Variants in KLB observed in about 807,000 individuals in gnomAD.
The protein encoded by KLB is klotho beta.
A neutral mutation model predicts 88.4 loss-of-function variants in KLB; 44 were observed. That is an observed-to-expected ratio of 0.50 (90% CI 0.39 to 0.64). The LOEUF is 0.64. KLB is among the 30% of genes least tolerant of loss of function. KLB has a pLI of 0.00. For synonymous variants in KLB, 548 were observed against 513.4 expected (o/e 1.07, Z -0.91); for missense variants, 1,137 against 1,304.8 (o/e 0.87, Z 1.98).
intron 1 of KLB, among the ~76,000 whole-genome samples, chr4:39,429,133 T>C (rs1322007621): frequency 1.3e-5 from 2 of 152,250 alleles, no homozygotes; most frequent in Admixed American, 1.3e-4. Context: ...TATTTAATAG[T>C]CTATTAAATA....
intron 1 of KLB, among the ~76,000 whole-genome samples, chr4:39,424,577 G>A (rs1282987454): frequency 3.3e-5 from 5 of 151,614 alleles, no homozygotes; most frequent in African/African-American, 4.9e-5. Context: ...GGCTCTACAC[G>A]TGATGGCCCT....
rs1743767479 is a variant in KLB, at chr4:39,447,081, C to G, written c.2355C>G (p.Ala785=). 6.2e-7 allele frequency: 1 copy of G among 1,613,106 alleles called. No individual in the cohort carries two copies. Among genetic ancestry groups the G allele is most frequent in the African/African-American group, 1.3e-5 (1 of 75,054 alleles). ...TCAAGACCGGGGACTACCCCGCGGC[C>G]ATGAGGGAATACATTGCCTCCAAGC... The part of the protein sequence containing the change: ...PLFKTGDYPA[A]MREYIASKHR... Residue 785 remains alanine (A), a synonymous_variant, in exon 4 of 5, where the codon GCC becomes GCG. Coordinates refer to ENST00000257408, the MANE Select transcript of KLB (RefSeq NM_175737.4).
At chr4:39,423,062 C>T (rs909852336) in intron 1 of KLB, among the ~76,000 whole-genome samples, 5 of 151,776 alleles carry the variant, frequency 3.3e-5, no homozygotes, top group African/African-American at 1.2e-4. Context: ...CCACCGCTCC[C>T]GGCCTCAGTC....
intron 1 of KLB, among the ~76,000 whole-genome samples, chr4:39,429,250 G>T (rs1011083983): frequency 2.0e-5 from 3 of 152,198 alleles, no homozygotes; most frequent in Admixed American, 6.5e-5. Context: ...ATGACTGAGG[G>T]TTCCTTGAAT....
intron 1 of KLB, among the ~76,000 whole-genome samples, chr4:39,430,025 T>C (rs1743309790): frequency 6.6e-6 from 1 of 152,334 alleles, no homozygotes; most frequent in East Asian, 1.9e-4. Flanking sequence ...TCCATATGTA[T>C]ATCCAGAAAA....
At chr4:39,410,169 T>TA (rs1443972209) in intron 1 of KLB, among the ~76,000 whole-genome samples, 11 of 152,156 alleles carry the variant, frequency 7.2e-5, no homozygotes, top group African/African-American at 2.4e-4. Context: ...TGTCAACAAT[T>TA]AGAGTTTTCA....
intron 3 of KLB, among the ~76,000 whole-genome samples, chr4:39,438,296 G>C (rs192498993): frequency 6.6e-6 from 1 of 152,294 alleles, no homozygotes; most frequent in Admixed American, 6.5e-5. Context: ...TGTTATAATA[G>C]TAATGTCAAA....
chr4:39,446,224 T>G lies in KLB; in HGVS notation c.1606-108T>G. The stretch of plus-strand genomic sequence containing the variant: ...GAGATTTCAAGGGCTGGAATAGGCC[T>G]GGCGTGGTGGCCTGTAATCCCAGCA... On this transcript the variant is annotated intron_variant, in intron 3 of 4. Transcript: ENST00000257408. This position sits in a 1 kb window ranked among gnomAD's most constrained non-coding sequence, Gnocchi z 6.4. The G allele has an allele frequency of 1.1e-6, 1 of 948,576 alleles. No homozygotes were observed. Among genetic ancestry groups the G allele is most frequent in the East Asian group, 2.6e-5 (1 of 39,002 alleles). 58.8% of individuals were successfully genotyped at this position (948,576 alleles called of 1,614,324 possible).
intron 1 of KLB, among the ~76,000 whole-genome samples, chr4:39,431,013 C>T (rs765909546): frequency 8.0e-5 from 12 of 150,318 alleles, no homozygotes; most frequent in Admixed American, 4.7e-4. Flanking sequence ...GCCTCCCTGG[C>T]TCAAATGATC....
Position 39,446,391 on chromosome 4 carries a change from CACTGGCAACAG to C in KLB, c.1670_1680del (p.Gly557ValfsTer27). The C allele has an allele frequency of 6.2e-7, 1 of 1,614,172 alleles. No individual in the cohort carries two copies. The highest frequency in any genetic ancestry group is 8.5e-7 in the Non-Finnish European group (1 of 1,180,008). Reference sequence around the variant, plus strand: ...ATCCTCATCTGTACGTGTGGAACGCCACTGGCAACAGACTGTTGCACCGAGTGGAAGGGGTG... The same window carrying C: ...ATCCTCATCTGTACGTGTGGAACGCCACTGTTGCACCGAGTGGAAGGGGTG... On this transcript the variant is annotated frameshift_variant, in exon 4 of 5. Transcript: ENST00000257408. LOFTEE classifies it high-confidence loss of function. This position sits in a 1 kb window ranked among gnomAD's most constrained non-coding sequence, Gnocchi z 6.4.
intron 1 of KLB, among the ~76,000 whole-genome samples, chr4:39,432,316 G>A (rs1411250591): frequency 1.3e-5 from 2 of 151,854 alleles, no homozygotes; most frequent in Admixed American, 1.3e-4. Context: ...AAATAATGGA[G>A]AAAATGAGAG....
Position 39,448,387 on chromosome 4 carries a change from A to T in KLB, c.2836A>T (p.Thr946Ser). ...EKSKPRFGFF[T>S]SDFKAKSSIQ... ...ATCTAAACCCAGATTTGGATTCTTC[A>T]CATCTGATTTTAAAGCTAAATCCTC... The change falls in exon 5 of 5, where the codon ACA becomes TCA. Residue 946 changes from threonine (T) to serine (S), a missense_variant. Coordinates refer to ENST00000257408, the MANE Select transcript of KLB (RefSeq NM_175737.4). 1 of 1,613,994 alleles carries T rather than the reference A, an allele frequency of 6.2e-7. No homozygotes were observed. The highest frequency in any genetic ancestry group is 8.5e-7 in the Non-Finnish European group (1 of 1,179,814).
chr4:39,444,809 T>C (rs1367666775), intron 3 of KLB, among the ~76,000 whole-genome samples: 1 of 152,230 alleles, frequency 6.6e-6, no homozygotes, highest in Admixed American at 6.5e-5. Flanking sequence ...CATGCTCACA[T>C]GATCAATGTT....
Position 39,434,629 on chromosome 4 carries a change from T to C in KLB, c.1245T>C (p.Ala415=). 2 of 1,614,102 alleles carry C rather than the reference T, an allele frequency of 1.2e-6. No individual in the cohort carries two copies. The highest frequency in any genetic ancestry group is 1.7e-6 in the Non-Finnish European group (2 of 1,179,932). The change falls in exon 2 of 5, where the codon GCT becomes GCC. Residue 415 remains alanine, a synonymous_variant. Coordinates refer to ENST00000257408, the MANE Select transcript of KLB (RefSeq NM_175737.4). ...ACAACAACCCTCGAATCTTGATTGC[T>C]GAGAATGGCTGGTTCACAGACAGTC... The part of the protein sequence containing the change: ...LEYNNPRILI[A]ENGWFTDSRV...
At chr4:39,414,023 A>T (rs2109820686) in intron 1 of KLB, among the ~76,000 whole-genome samples, 1 of 152,192 alleles carries the variant, frequency 6.6e-6, no homozygotes, top group South Asian at 2.1e-4. Context: ...TAGCTCCCCC[A>T]TTTTCAGTGT....
chr4:39,448,159 A>G, intron 4 of KLB, 142 bp from the exon 5 acceptor site: 2 of 605,762 alleles, frequency 3.3e-6, no homozygotes, highest in Non-Finnish European at 5.7e-6. Context: ...ATAAAAGAAT[A>G]AATGTCAAAA....
chr4:39,438,003 GT>G lies in KLB; in HGVS notation c.1605+10del, dbSNP rs768763230. ...ACTGAATCTGTTCTTAAGGTAAGTG[GT>G]TACTTCCAAATTAACCATAAACTGG... On this transcript the variant is annotated intron_variant, in intron 3 of 4. Coordinates refer to ENST00000257408, the MANE Select transcript of KLB (RefSeq NM_175737.4). The G allele has an allele frequency of 6.2e-7, 1 of 1,607,264 alleles. No homozygotes were observed. The highest frequency in any genetic ancestry group is 1.1e-5 in the South Asian group (1 of 90,118).
Position 39,448,416 on chromosome 4 carries a change from A to G in KLB, c.2865A>G (p.Ile955Met). Residue 955 changes from isoleucine to methionine, a missense_variant, in exon 5 of 5, where the codon ATA becomes ATG. This residue lies in a region of KLB where 426 missense variants were observed against 404.6 expected (regional missense o/e 1.05). Transcript: ENST00000257408. Reference protein sequence around the residue: ...FTSDFKAKSSIQFYNKVISSR... With the variant: ...FTSDFKAKSSMQFYNKVISSR... ...CTGATTTTAAAGCTAAATCCTCAAT[A>G]CAATTTTACAACAAAGTGATCAGCA... 6.2e-7 allele frequency: 1 copy of G among 1,614,200 alleles called. No individual in the cohort carries two copies. Among genetic ancestry groups the G allele is most frequent in the Non-Finnish European group, 8.5e-7 (1 of 1,180,026 alleles).
chr4:39,421,390 A>C (rs1743079704), intron 1 of KLB, among the ~76,000 whole-genome samples: 1 of 152,172 alleles, frequency 6.6e-6, no homozygotes, highest in Non-Finnish European at 1.5e-5. Flanking sequence ...AATGCTGATG[A>C]ATTCTCCATT....
Sources: gnomAD v4.1 joint callset for allele counts (sites outside exome capture counted in the v4.1 genomes callset) on GRCh38, gnomAD v4.1.1 for gene constraint, gnomAD v4.1.1 regional missense constraint, Gnocchi (gnomAD v3.1) non-coding constraint, MANE v1.5 for transcripts, NCBI Gene and HGNC (gene_info 2026-07-23, HGNC 2026-07-21) for gene names.